The following MGRN1 variants were observed in gnomAD, a reference collection of about 807,000 sequenced individuals.
MGRN1 encodes E3 ubiquitin-protein ligase MGRN1.
A neutral mutation model predicts 69.2 loss-of-function variants in MGRN1; 29 were observed. The observed-to-expected ratio is 0.42, with a 90% confidence interval of 0.31 to 0.57. The LOEUF (loss-of-function observed/expected upper bound fraction) is 0.57, where lower values mean the gene tolerates loss of function less well. Ranked by LOEUF, MGRN1 falls within the 20% of genes least tolerant of loss-of-function variation. The probability of loss-of-function intolerance (pLI) is 0.15; values close to 1 mark genes in which losing one functional copy is unlikely to be tolerated. For missense variants in MGRN1, 998 were observed against 796.2 expected, an observed-to-expected ratio of 1.25 and a Z score of -3.05; for synonymous variants, 470 against 344.2, an observed-to-expected ratio of 1.37 and a Z score of -4.04.
intron 7 of MGRN1, among the ~76,000 whole-genome samples, chr16:4,665,663 C>T (rs895917545): frequency 8.8e-5 from 13 of 148,208 alleles, no homozygotes; most frequent in African/African-American, 2.5e-4. Flanking sequence ...GCCACGTGCC[C>T]GGCCTTTTTT....
Position 4,652,701 on chromosome 16 carries a change from C to A in MGRN1, c.320C>A (p.Pro107His). The change falls in exon 4 of 17, where the codon CCC (proline) becomes CAC (histidine). Residue 107 changes from proline (P) to histidine (H), a missense_variant. Transcript: ENST00000262370. ...AGGTACAAAGACGATGCCGACAGCC[C>A]CACCGAGGACGGCGACAAGCCCCGG... The part of the protein sequence containing the change: ...LVRYKDDADS[P>H]TEDGDKPRVL... The A allele has an allele frequency of 6.2e-7, 1 of 1,612,782 alleles. No individual in the cohort carries two copies. Among genetic ancestry groups the A allele is most frequent in the Non-Finnish European group, 8.5e-7 (1 of 1,179,402 alleles).
At chr16:4,680,869 C>G (rs139863784) in intron 12 of MGRN1, among the ~76,000 whole-genome samples, 2,356 of 152,340 alleles carry the variant, frequency 0.015, 31 homozygotes, top group Non-Finnish European at 0.024. Context: ...CTTCCAGGAG[C>G]TCGGTCAGGC....
intron 13 of MGRN1, 80 bp downstream of exon 13, chr16:4,681,856 C>G: frequency 2.2e-6 from 3 of 1,388,994 alleles, no homozygotes; most frequent in Non-Finnish European, 2.9e-6. Flanking sequence ...GGTTTCAAAT[C>G]AGTTTGTGAT....
At chr16:4,681,524 C>A (rs1441623523) in intron 12 of MGRN1, 26 bp from the exon 13 acceptor site, 1 of 1,586,642 alleles carries the variant, frequency 6.3e-7, no homozygotes, top group Admixed American at 1.7e-5. Context: ...TGGGCATGAG[C>A]CCCCTCACGC....
chr16:4,632,977 G>C (rs1011053513), intron 1 of MGRN1, among the ~76,000 whole-genome samples: 5 of 152,130 alleles, frequency 3.3e-5, no homozygotes, highest in Admixed American at 3.3e-4. Context: ...TAGCTACCTG[G>C]TGGGCTGAGG....
intron 1 of MGRN1, among the ~76,000 whole-genome samples, chr16:4,642,171 C>T (rs1269948391): frequency 6.7e-6 from 1 of 150,242 alleles, no homozygotes; most frequent in Non-Finnish European, 1.5e-5. Flanking sequence ...TGCTCTTTCG[C>T]CCAGGCTGGA....
chr16:4,643,455 C>A (rs752394543), intron 1 of MGRN1, among the ~76,000 whole-genome samples: 1 of 148,894 alleles, frequency 6.7e-6, no homozygotes, highest in African/African-American at 2.5e-5. Context: ...CTGCAACCTC[C>A]GCTTCCTGGG....
At position 4,690,860 on chromosome 16, in the gene MGRN1, G is replaced by A. The variant is rs900257907; in HGVS notation, c.*1952G>A. The A allele has an allele frequency of 6.8e-6, 1 of 148,032 alleles. No homozygotes were observed. The highest frequency in any genetic ancestry group is 1.5e-5 in the Non-Finnish European group (1 of 67,682). The allele number at this position is 148,032 out of a possible 1,614,324, so 9.2% of individuals were successfully genotyped here. ...GGTGCCAGAGCTTTGCGTGAAGTTC[G>A]GGCCGCAGAGTGGCCCGCTGGGACT... On this transcript the variant is annotated 3_prime_UTR_variant, in exon 17 of 17. Coordinates refer to ENST00000262370, the MANE Select transcript of MGRN1 (RefSeq NM_015246.4).
At chr16:4,663,365 GTTTTTTTTTTTTTT>G (rs1183914569) in intron 5 of MGRN1, among the ~76,000 whole-genome samples, 4 of 61,804 alleles carry the variant, frequency 6.5e-5, no homozygotes, top group African/African-American at 1.7e-4. Flanking sequence ...ACCTGGCCTT[GTTTTTTTTTTTTTT>G]TTTTTTTTTT....
At chr16:4,636,008 G>A (rs976203920) in intron 1 of MGRN1, among the ~76,000 whole-genome samples, 1 of 151,076 alleles carries the variant, frequency 6.6e-6, no homozygotes, top group Non-Finnish European at 1.5e-5. Flanking sequence ...CACCATGTTG[G>A]TCAGGCTGGT....
At chr16:4,676,491 T>G (rs1365631790) in intron 10 of MGRN1, among the ~76,000 whole-genome samples, 1 of 151,702 alleles carries the variant, frequency 6.6e-6, no homozygotes, top group Non-Finnish European at 1.5e-5. Context: ...CAGACTGGAG[T>G]TCAGAGCTCC....
At chr16:4,676,411 A>G (rs981343279) in intron 10 of MGRN1, among the ~76,000 whole-genome samples, 4 of 152,186 alleles carry the variant, frequency 2.6e-5, no homozygotes, top group African/African-American at 9.7e-5. Context: ...GCTGCTTTCC[A>G]GGGAGGGTGC....
In MGRN1 at chr16:4,686,513, T is replaced by G. The variant is rs1032843771; in HGVS notation, c.1619-2283T>G. 34 of 1,375,188 alleles carry G rather than the reference T, an allele frequency of 2.5e-5. No homozygotes were observed. In the African/African-American group the frequency reaches 3.5e-4, roughly 14 times the overall value. 85.2% of individuals were successfully genotyped at this position (1,375,188 alleles called of 1,614,324 possible). On this transcript the variant is annotated intron_variant, in intron 16 of 16. Transcript: ENST00000262370. Reference sequence around the variant, plus strand: ...GTGGCCTCCTGGGGGGTCCTGACTTTCGGGGCCAGAGGTCTCTCCATCTGG... The same window carrying G: ...GTGGCCTCCTGGGGGGTCCTGACTTGCGGGGCCAGAGGTCTCTCCATCTGG...
chr16:4,659,415 C>T, intron 5 of MGRN1, among the ~76,000 whole-genome samples: 1 of 152,130 alleles, frequency 6.6e-6, no homozygotes, highest in East Asian at 1.9e-4. Context: ...GCCCCAGTCT[C>T]CGAGCCCTGT....
chr16:4,679,572 T>C (rs2079130770), intron 11 of MGRN1, among the ~76,000 whole-genome samples: 1 of 152,190 alleles, frequency 6.6e-6, no homozygotes, highest in Non-Finnish European at 1.5e-5. Flanking sequence ...TGGGGCTGAC[T>C]CTTCTCCCCA....
chr16:4,661,130 C>A (rs980100802), intron 5 of MGRN1, among the ~76,000 whole-genome samples: 2 of 147,946 alleles, frequency 1.4e-5, no homozygotes, highest in Non-Finnish European at 3.0e-5. Context: ...ACAGGTGCCA[C>A]AACTACTGGC....
At position 4,653,147 on chromosome 16, in the gene MGRN1, A is replaced by G. The variant is rs533824871; in HGVS notation, c.443+323A>G. On this transcript the variant is annotated intron_variant, in intron 4 of 16. Transcript: ENST00000262370. ...GCCCCCGCTGTCACCTGAACTTCTC[A>G]GCAACCAGCCATAAATCAGGCTCCC... 2.0e-5 allele frequency among the ~76,000 whole-genome samples: 3 copies of G among 152,284 alleles called. No individual in the cohort carries two copies. In the South Asian group the frequency reaches 6.2e-4, roughly 32 times the overall value.
intron 16 of MGRN1, chr16:4,686,973 G>A (rs936746971): frequency 3.5e-5 from 34 of 985,336 alleles, no homozygotes; most frequent in Admixed American, 6.1e-5. Context: ...AGTATCTTGC[G>A]TCCTGTCCTG....
chr16:4,639,256 C>T (rs1050377329), intron 1 of MGRN1, among the ~76,000 whole-genome samples: 3 of 152,150 alleles, frequency 2.0e-5, no homozygotes, highest in African/African-American at 4.8e-5. Context: ...GATAAAGCAG[C>T]AGTGACACTA....
Sources: gnomAD v4.1 joint callset for allele counts (sites outside exome capture counted in the v4.1 genomes callset) on GRCh38, gnomAD v4.1.1 for gene constraint, MANE v1.5 for transcripts, NCBI Gene and HGNC (gene_info 2026-07-23, HGNC 2026-07-21) for gene names.